The following GABRB3 variants were observed in gnomAD, a reference collection of about 807,000 sequenced individuals.
GABRB3 encodes the protein gamma-aminobutyric acid type A receptor subunit beta3.
Under a neutral mutation model 52.1 loss-of-function variants are expected in GABRB3, and 14 were observed. That is an observed-to-expected ratio of 0.27 (90% CI 0.18 to 0.42). GABRB3 has a LOEUF of 0.42. Ranked by LOEUF, GABRB3 falls within the 10% of genes least tolerant of loss-of-function variation. The pLI is 1.00. For synonymous variants in GABRB3, 260 were observed against 232.3 expected, an observed-to-expected ratio of 1.12 and a Z score of -1.08; for missense variants, 307 against 609.1, an observed-to-expected ratio of 0.50 and a Z score of 5.22.
intron 2 of GABRB3, 60 bp from the exon 3 acceptor site, chr15:26,772,529 T>G: frequency 1.3e-6 from 2 of 1,558,230 alleles, no homozygotes; most frequent in Middle Eastern, 1.7e-4. Context: ...CGGGCGGCTC[T>G]GAGGACTGGG....
At position 26,547,744 on chromosome 15, in the gene GABRB3, T is replaced by C. The variant is rs1267782073; in HGVS notation, c.*49A>G. 5 of 1,463,612 alleles carry C rather than the reference T, an allele frequency of 3.4e-6. No individual in the cohort carries two copies. The highest frequency in any genetic ancestry group is 4.8e-6 in the Non-Finnish European group (5 of 1,044,526). 90.7% of individuals were successfully genotyped at this position (1,463,612 alleles called of 1,614,324 possible). On this transcript the variant is annotated 3_prime_UTR_variant, in exon 9 of 9. Coordinates refer to ENST00000311550, the MANE Select transcript of GABRB3 (RefSeq NM_000814.6). The stretch of plus-strand genomic sequence containing the variant: ...TATAAAAACTTGACAGGCAGAGTAA[T>C]ATTTCACTCAGTGTTAAATGAAGTC...
intron 4 of GABRB3, among the ~76,000 whole-genome samples, chr15:26,600,446 A>G (rs1010533471): frequency 2.0e-5 from 3 of 152,150 alleles, no homozygotes; most frequent in Non-Finnish European, 2.9e-5. Flanking sequence ...CAAACTACCA[A>G]TTATCAAAAA....
chr15:26,622,863 T>C (rs898797359), intron 3 of GABRB3, among the ~76,000 whole-genome samples: 5 of 152,176 alleles, frequency 3.3e-5, no homozygotes, highest in Non-Finnish European at 5.9e-5. Flanking sequence ...AAATACGTTT[T>C]TAAGCTTTGA....
intron 3 of GABRB3, among the ~76,000 whole-genome samples, chr15:26,630,692 G>A (rs1210139236): frequency 3.9e-5 from 6 of 152,106 alleles, no homozygotes; most frequent in Non-Finnish European, 7.4e-5. Context: ...ATTCATCTTG[G>A]CTTATTTTGG....
At chr15:26,676,107 G>C (rs1888060478) in intron 3 of GABRB3, among the ~76,000 whole-genome samples, 1 of 152,188 alleles carries the variant, frequency 6.6e-6, no homozygotes, top group Non-Finnish European at 1.5e-5. Flanking sequence ...GTCACCACTA[G>C]ACCCTCTATC....
chr15:26,671,054 A>G (rs1399821570), intron 3 of GABRB3, among the ~76,000 whole-genome samples: 1 of 152,094 alleles, frequency 6.6e-6, no homozygotes, highest in Admixed American at 6.6e-5. Flanking sequence ...AATCTATGAG[A>G]TAGTTGACTG....
At chr15:26,564,374 A>G (rs1024427111) in intron 7 of GABRB3, among the ~76,000 whole-genome samples, 1 of 152,054 alleles carries the variant, frequency 6.6e-6, no homozygotes, top group Admixed American at 6.5e-5. Flanking sequence ...TGATGGTCAG[A>G]CCCTGGGCAG....
intron 3 of GABRB3, among the ~76,000 whole-genome samples, chr15:26,762,586 A>G (rs1210565788): frequency 1.3e-5 from 2 of 152,128 alleles, no homozygotes; most frequent in Non-Finnish European, 2.9e-5. Flanking sequence ...CCTCATGAAG[A>G]TTTGCAAAAT....
At chr15:26,577,193 C>A (rs1194630423) in intron 6 of GABRB3, among the ~76,000 whole-genome samples, 2 of 152,026 alleles carry the variant, frequency 1.3e-5, no homozygotes, top group Non-Finnish European at 2.9e-5. Flanking sequence ...GACACACATC[C>A]AACCAGAGAT....
intron 3 of GABRB3, among the ~76,000 whole-genome samples, chr15:26,689,268 G>A (rs940377647): frequency 2.0e-5 from 3 of 152,132 alleles, no homozygotes; most frequent in Non-Finnish European, 2.9e-5. Context: ...GACAGCAAAC[G>A]TGTACTCAAT....
chr15:26,543,559 CTCCTTTTTTAATAAAT>C lies in GABRB3; in HGVS notation c.*4218_*4233del, dbSNP rs1567082529. On this transcript the variant is annotated 3_prime_UTR_variant, in exon 9 of 9. Coordinates refer to ENST00000311550, the MANE Select transcript of GABRB3 (RefSeq NM_000814.6). ...TCAGTCTTCACATTTAGGTCAGTTA[CTCCTTTTTTAATAAAT>C]TTGAATTCATTCATCAACAAGTTTC... The C allele has an allele frequency of 6.6e-6, 1 of 152,546 alleles. No homozygotes were observed. Among genetic ancestry groups the C allele is most frequent in the Non-Finnish European group, 1.5e-5 (1 of 68,028 alleles). 9.4% of individuals were successfully genotyped at this position (152,546 alleles called of 1,614,324 possible).
chr15:26,705,427 T>C (rs1017345208), intron 3 of GABRB3, among the ~76,000 whole-genome samples: 3 of 152,188 alleles, frequency 2.0e-5, no homozygotes, highest in Non-Finnish European at 4.4e-5. Flanking sequence ...GATTTCAACA[T>C]ACAAATTTTG....
intron 3 of GABRB3, among the ~76,000 whole-genome samples, chr15:26,756,385 T>C (rs1158024545): frequency 6.7e-6 from 1 of 148,192 alleles, no homozygotes; most frequent in Non-Finnish European, 1.5e-5. Context: ...CCAGGCAACA[T>C]GGTGAAACCC....
intron 3 of GABRB3, among the ~76,000 whole-genome samples, chr15:26,686,726 G>C (rs976789157): frequency 1.3e-5 from 2 of 152,252 alleles, no homozygotes; most frequent in Non-Finnish European, 2.9e-5. Context: ...CATGAGCACA[G>C]CCTCCTTAGC....
At chr15:26,674,555 C>T (rs961465556) in intron 3 of GABRB3, among the ~76,000 whole-genome samples, 1 of 151,794 alleles carries the variant, frequency 6.6e-6, no homozygotes, top group Admixed American at 6.6e-5. Context: ...AGACCCTGTA[C>T]TTGCGGCATT....
At chr15:26,567,502 A>G in intron 7 of GABRB3, 79 bp downstream of exon 7, 1 of 1,428,736 alleles carries the variant, frequency 7.0e-7, no homozygotes, top group South Asian at 1.2e-5. Flanking sequence ...TGGTAGTTGA[A>G]CTACAGCCTT....
intron 4 of GABRB3, among the ~76,000 whole-genome samples, chr15:26,586,306 T>C (rs1303450061): frequency 6.6e-6 from 1 of 151,814 alleles, no homozygotes; most frequent in East Asian, 1.9e-4. Flanking sequence ...TTAATTTTCT[T>C]ATATATTTTG....
intron 3 of GABRB3, among the ~76,000 whole-genome samples, chr15:26,660,058 G>A (rs1887492117): frequency 6.6e-6 from 1 of 151,738 alleles, no homozygotes; most frequent in Non-Finnish European, 1.5e-5. Flanking sequence ...GGTGAAACTC[G>A]GTCTCTACTA....
At chr15:26,722,166 AG>A (rs1462899095) in intron 3 of GABRB3, among the ~76,000 whole-genome samples, 1 of 152,092 alleles carries the variant, frequency 6.6e-6, no homozygotes, top group Non-Finnish European at 1.5e-5. Context: ...GTCCTCAACA[AG>A]GGTTGCTCAT....
Sources: gnomAD v4.1 joint callset for allele counts (sites outside exome capture counted in the v4.1 genomes callset) on GRCh38, gnomAD v4.1.1 for gene constraint, MANE v1.5 for transcripts, NCBI Gene and HGNC (gene_info 2026-07-23, HGNC 2026-07-21) for gene names.